Variants in ASIC2 observed in about 807,000 individuals in gnomAD.
ASIC2 encodes acid-sensing ion channel 2.
A neutral mutation model predicts 57.3 loss-of-function variants in ASIC2; 25 were observed. That is an observed-to-expected ratio of 0.44 (90% CI 0.32 to 0.61). The LOEUF is 0.61. Ranked by LOEUF, ASIC2 falls within the 20% of genes least tolerant of loss-of-function variation. The probability of loss-of-function intolerance (pLI) is 0.06; values close to 1 mark genes in which losing one functional copy is unlikely to be tolerated. For synonymous variants in ASIC2, 319 were observed against 307.5 expected (o/e 1.04, Z -0.39); for missense variants, 641 against 738.1 (o/e 0.87, Z 1.52).
At chr17:34,117,029 C>T (rs1270020044) in intron 1 of ASIC2, among the ~76,000 whole-genome samples, 1 of 151,574 alleles carries the variant, frequency 6.6e-6, no homozygotes, top group Non-Finnish European at 1.5e-5. Context: ...AGAATATGCA[C>T]CTGGAAATAT....
intron 1 of ASIC2, among the ~76,000 whole-genome samples, chr17:33,811,333 G>A (rs1036106140): frequency 6.6e-5 from 10 of 152,200 alleles, no homozygotes; most frequent in Admixed American, 6.5e-5. Flanking sequence ...GAGAAGATCA[G>A]ACAAAAATTC....
In ASIC2 at chr17:33,908,985, G is replaced by A. The variant is rs148167083; in HGVS notation, c.555+246993C>T. Among the ~76,000 whole-genome samples the A allele has an allele frequency of 4.1e-3, 619 of 152,088 alleles. 4 individuals carry two copies. Among genetic ancestry groups the A allele is most frequent in the African/African-American group, 0.014 (596 of 41,466 alleles). On this transcript the variant is annotated intron_variant, in intron 1 of 9. Coordinates refer to the ASIC2 transcript ENST00000359872. ...GACTGTTTTCTTAGTCATTTCCTTG[G>A]CTCAGGATCAGCCTTCAGCCAAGAA...
intron 1 of ASIC2, among the ~76,000 whole-genome samples, chr17:33,978,966 A>ACAGG (rs909835188): frequency 6.6e-6 from 1 of 152,166 alleles, no homozygotes; most frequent in African/African-American, 2.4e-5. Context: ...AGGGGACAGG[A>ACAGG]CAGGCTTATT....
chr17:34,123,898 C>T (rs1383754471), intron 1 of ASIC2, among the ~76,000 whole-genome samples: 1 of 152,086 alleles, frequency 6.6e-6, no homozygotes, highest in East Asian at 1.9e-4. Context: ...GCCTGGGCAA[C>T]ATGGCGAAAC....
chr17:33,512,876 A>T (rs1390368153), intron 1 of ASIC2, among the ~76,000 whole-genome samples: 1 of 152,210 alleles, frequency 6.6e-6, no homozygotes, highest in Non-Finnish European at 1.5e-5. Flanking sequence ...AGTTCAGCTG[A>T]CAAACTGTCA....
chr17:33,435,609 G>C (rs979778822), intron 1 of ASIC2, among the ~76,000 whole-genome samples: 4 of 152,070 alleles, frequency 2.6e-5, no homozygotes, highest in African/African-American at 9.7e-5. Context: ...GTAAATAAAG[G>C]GGACGGATCA....
chr17:33,028,404 G>A lies in ASIC2; in HGVS notation c.988-12C>T, dbSNP rs768653163. On this transcript the variant is annotated splice_polypyrimidine_tract_variant and intron_variant, in intron 3 of 9. Coordinates refer to ENST00000225823, the MANE Select transcript of ASIC2 (RefSeq NM_183377.2). ...GGCAGGTATGTGAGCTGCAAGACAG[G>A]AAGGAGGGGGCGGCAGTCAGCCTCA... 8.7e-6 allele frequency: 14 copies of A among 1,613,830 alleles called. No homozygotes were observed. In the Admixed American group the frequency reaches 1.3e-4, roughly 15 times the overall value.
intron 1 of ASIC2, among the ~76,000 whole-genome samples, chr17:33,632,266 A>G (rs370163705): frequency 1.3e-4 from 20 of 152,202 alleles, no homozygotes; most frequent in African/African-American, 4.8e-4. Context: ...AAGAATGTCT[A>G]ATGTTAGTGA....
At chr17:33,673,046 G>A (rs1431043768) in intron 1 of ASIC2, among the ~76,000 whole-genome samples, 1 of 152,166 alleles carries the variant, frequency 6.6e-6, no homozygotes, top group Non-Finnish European at 1.5e-5. Flanking sequence ...CTTGGGATGG[G>A]GGACATAAAG....
At chr17:33,229,274 T>G (rs1476314339) in intron 1 of ASIC2, among the ~76,000 whole-genome samples, 1 of 152,166 alleles carries the variant, frequency 6.6e-6, no homozygotes, top group African/African-American at 2.4e-5. Context: ...ACAAATAGCC[T>G]TCCTGGCTTA....
intron 1 of ASIC2, among the ~76,000 whole-genome samples, chr17:33,717,151 A>C (rs557934634): frequency 1.1e-4 from 17 of 152,236 alleles, no homozygotes; most frequent in Non-Finnish European, 2.4e-4. Context: ...TTCACACTTC[A>C]AAAAATATGT....
intron 1 of ASIC2, among the ~76,000 whole-genome samples, chr17:33,915,505 C>G (rs1427800121): frequency 6.6e-6 from 1 of 152,182 alleles, no homozygotes; most frequent in Non-Finnish European, 1.5e-5. Context: ...TCAGATTTAT[C>G]CCATTTAAGA....
chr17:33,085,865 G>T (rs567508037), intron 3 of ASIC2, among the ~76,000 whole-genome samples: 1 of 152,254 alleles, frequency 6.6e-6, no homozygotes, highest in Non-Finnish European at 1.5e-5. Flanking sequence ...TAATATAAAT[G>T]AAATGATGAA....
intron 1 of ASIC2, among the ~76,000 whole-genome samples, chr17:33,699,165 T>A (rs924747381): frequency 6.6e-6 from 1 of 152,164 alleles, no homozygotes; most frequent in African/African-American, 2.4e-5. Flanking sequence ...GTAACACTGG[T>A]TCTCTCCTCA....
chr17:33,883,263 A>T (rs1597915632), intron 1 of ASIC2, among the ~76,000 whole-genome samples: 1 of 152,298 alleles, frequency 6.6e-6, no homozygotes, highest in East Asian at 1.9e-4. Flanking sequence ...TAATAAAAAA[A>T]GTCTGATGAA....
chr17:34,095,826 T>G (rs1052651635), intron 1 of ASIC2, among the ~76,000 whole-genome samples: 2 of 149,870 alleles, frequency 1.3e-5, no homozygotes, highest in Non-Finnish European at 1.5e-5. Flanking sequence ...AGACAGAAAG[T>G]GAAGGGTTGG....
chr17:33,106,977 G>A (rs1186236738), intron 2 of ASIC2, among the ~76,000 whole-genome samples: 1 of 152,164 alleles, frequency 6.6e-6, no homozygotes, highest in Non-Finnish European at 1.5e-5. Context: ...CATTCCTGAG[G>A]CTGTATCCCT....
At chr17:33,602,727 C>G (rs1367762340) in intron 1 of ASIC2, among the ~76,000 whole-genome samples, 3 of 152,214 alleles carry the variant, frequency 2.0e-5, no homozygotes, top group East Asian at 3.9e-4. Context: ...GCCACACAAG[C>G]CTCTCCTGTC....
At chr17:33,159,773 G>C (rs973370194) in intron 1 of ASIC2, among the ~76,000 whole-genome samples, 47 of 152,194 alleles carry the variant, frequency 3.1e-4, no homozygotes, top group Admixed American at 2.3e-3. Context: ...TGAACTGTGT[G>C]ACTTGGATGA....
Sources: allele counts gnomAD v4.1 joint callset (sites outside exome capture counted in the v4.1 genomes callset), GRCh38; gene constraint gnomAD v4.1.1; transcripts MANE v1.5; gene names NCBI Gene and HGNC (gene_info 2026-07-23, HGNC 2026-07-21).